The following NIPBL variants were observed in gnomAD, a reference collection of about 807,000 sequenced individuals.
NIPBL encodes the protein NIPBL cohesin loading factor.
NIPBL carries 19 observed loss-of-function variants against 321.8 expected under a neutral mutation model. The ratio of observed to expected loss-of-function variants is 0.06; its 90% CI spans 0.04 to 0.09. The LOEUF (loss-of-function observed/expected upper bound fraction) is 0.09, where lower values mean the gene tolerates loss of function less well. Among genes scored for constraint, NIPBL ranks in the 10% least tolerant of loss-of-function variants. The pLI, the probability that NIPBL is intolerant of heterozygous loss-of-function variation, is 1.00. For missense variants in NIPBL, 2,210 were observed against 3,327.0 expected (o/e 0.66, Z 8.26); for synonymous variants, 1,106 against 1,114.1 (o/e 0.99, Z 0.14).
In NIPBL at chr5:36,971,014, T is replaced by C; in HGVS notation, c.749T>C (p.Met250Thr). 5 of 1,613,412 alleles carry C rather than the reference T, an allele frequency of 3.1e-6. No individual in the cohort carries two copies. The highest frequency in any genetic ancestry group is 4.2e-6 in the Non-Finnish European group (5 of 1,179,354). The change falls in exon 7 of 47, where the codon ATG becomes ACG. Residue 250 changes from methionine (M) to threonine (T), a missense_variant. Transcript: ENST00000282516. ...GGTTCAAGTGAGGACTACCTACACA[T>C]GGTGCACAGGCTAAGTAGTGACGTA... ...RHGSSEDYLHMVHRLSSDDGD... is the reference protein window; with the variant it reads ...RHGSSEDYLHTVHRLSSDDGD...
chr5:36,888,956 T>C (rs747720216), intron 1 of NIPBL, among the ~76,000 whole-genome samples: 2 of 152,150 alleles, frequency 1.3e-5, no homozygotes, highest in Non-Finnish European at 2.9e-5. Flanking sequence ...TTGGAATGAA[T>C]AGAATCAATC....
chr5:37,022,348 G>C lies in NIPBL; in HGVS notation c.5532G>C (p.Gln1844His). The C allele has an allele frequency of 6.2e-7, 1 of 1,613,914 alleles. No individual in the cohort carries two copies. The highest frequency in any genetic ancestry group is 8.5e-7 in the Non-Finnish European group (1 of 1,179,940). The change falls in exon 29 of 47, where the codon CAG (glutamine) becomes CAC (histidine). Residue 1844 changes from glutamine to histidine, a missense_variant. Gln to His is a conservative substitution (Grantham distance 24, BLOSUM62 0). Around this residue, in one of 14 missense-constraint regions of NIPBL, gnomAD observed 49 missense variants for 163.6 expected, o/e 0.30. Coordinates refer to ENST00000282516, the MANE Select transcript of NIPBL (RefSeq NM_133433.4). Reference sequence around the variant, plus strand: ...GTCGATTTGTCCTTTGTCGACCTCAGCTTGCTGAACAGTATTATGATATGC... The same window carrying C: ...GTCGATTTGTCCTTTGTCGACCTCACCTTGCTGAACAGTATTATGATATGC... Reference protein sequence around the residue: ...LLGRFVLCRPQLAEQYYDMLI... With the variant: ...LLGRFVLCRPHLAEQYYDMLI...
intron 1 of NIPBL, among the ~76,000 whole-genome samples, chr5:36,902,783 T>C (rs1388122050): frequency 6.6e-6 from 1 of 152,124 alleles, no homozygotes; most frequent in Non-Finnish European, 1.5e-5. Flanking sequence ...TTTTTTGGTT[T>C]TTTTTCCTAA....
chr5:36,900,671 TTTTTG>T (rs536806432), intron 1 of NIPBL, among the ~76,000 whole-genome samples: 5 of 152,198 alleles, frequency 3.3e-5, no homozygotes, highest in South Asian at 2.1e-4. Context: ...GCTCGGGTTT[TTTTTG>T]TTTTGTTTTG....
chr5:37,007,291 G>T, intron 17 of NIPBL, 32 bp from the exon 18 acceptor site: 3 of 1,592,804 alleles, frequency 1.9e-6, no homozygotes, highest in Non-Finnish European at 2.6e-6. Flanking sequence ...AAAAGTTGAT[G>T]TTTTCCTTAT....
chr5:36,969,972 G>A (rs1336065192), intron 6 of NIPBL, among the ~76,000 whole-genome samples: 1 of 152,128 alleles, frequency 6.6e-6, no homozygotes, highest in Admixed American at 6.6e-5. Flanking sequence ...TTATGTACAA[G>A]AACATACATT....
chr5:36,924,728 T>C (rs1342770620), intron 1 of NIPBL, among the ~76,000 whole-genome samples: 1 of 152,234 alleles, frequency 6.6e-6, no homozygotes, highest in African/African-American at 2.4e-5. Context: ...TTATCAACAG[T>C]GACAGAAAAT....
chr5:37,046,225 G>A (rs887429949), intron 38 of NIPBL, 26 bp downstream of exon 38: 5 of 1,266,010 alleles, frequency 3.9e-6, no homozygotes, highest in South Asian at 2.4e-5. Flanking sequence ...TTTATAATTT[G>A]TAGCTATTTG....
intron 33 of NIPBL, among the ~76,000 whole-genome samples, chr5:37,037,492 T>C (rs544788260): frequency 6.7e-6 from 1 of 150,044 alleles, no homozygotes; most frequent in Non-Finnish European, 1.5e-5. Context: ...CTAGCATTAC[T>C]TCCCATCTAA....
chr5:36,997,553 T>C (rs921213961), intron 11 of NIPBL, among the ~76,000 whole-genome samples: 2 of 152,204 alleles, frequency 1.3e-5, no homozygotes, highest in African/African-American at 2.4e-5. Context: ...GACCCTGTTA[T>C]ATCTATGCCC....
intron 32 of NIPBL, among the ~76,000 whole-genome samples, chr5:37,033,705 C>CACAT (rs1415570935): frequency 2.5e-5 from 2 of 80,242 alleles, no homozygotes; most frequent in Non-Finnish European, 4.5e-5. Flanking sequence ...CACACACACA[C>CACAT]ATATATATAT....
intron 1 of NIPBL, among the ~76,000 whole-genome samples, chr5:36,898,426 A>G (rs1490173969): frequency 6.6e-6 from 1 of 152,116 alleles, no homozygotes; most frequent in East Asian, 1.9e-4. Flanking sequence ...GAGACAATTG[A>G]GGCGTAGGAA....
intron 31 of NIPBL, 90 bp from the exon 32 acceptor site, chr5:37,027,268 GA>G (rs1233130852): frequency 9.9e-7 from 1 of 1,012,796 alleles, no homozygotes; most frequent in African/African-American, 1.6e-5. Context: ...TGAGAAAATT[GA>G]AACATGTTTC....
At chr5:36,974,817 C>T (rs927315398) in intron 8 of NIPBL, among the ~76,000 whole-genome samples, 1 of 152,018 alleles carries the variant, frequency 6.6e-6, no homozygotes, top group Non-Finnish European at 1.5e-5. Context: ...TAAGTTCTGT[C>T]TGTAAAAAAA....
chr5:36,980,861 AT>A (rs1166331954), intron 9 of NIPBL, among the ~76,000 whole-genome samples: 1 of 151,612 alleles, frequency 6.6e-6, no homozygotes, highest in African/African-American at 2.4e-5. Context: ...CAGTTTCTGC[AT>A]TGTGTGATGG....
rs1372778547 is a variant in NIPBL, at chr5:37,042,263, T to C, written c.6109-2084T>C. On this transcript the variant is annotated intron_variant, in intron 34 of 46. Transcript: ENST00000282516. ...CAGCCTGGCCAGCATGGTGAAACCC[T>C]GTCTCTACTAAAAATACAAAAATTA... 1.7e-4 allele frequency among the ~76,000 whole-genome samples: 24 copies of C among 139,894 alleles called. No homozygotes were observed. The East Asian group carries it at 1.8e-3, about 11-fold the overall frequency. 91.8% of individuals were successfully genotyped at this position (139,894 alleles called of 152,430 possible).
At chr5:36,916,627 T>C (rs1432635542) in intron 1 of NIPBL, among the ~76,000 whole-genome samples, 1 of 152,096 alleles carries the variant, frequency 6.6e-6, no homozygotes, top group Non-Finnish European at 1.5e-5. Flanking sequence ...ATTAGGTATA[T>C]CTCCTAATGC....
intron 3 of NIPBL, among the ~76,000 whole-genome samples, chr5:36,957,809 C>T (rs1394256753): frequency 1.3e-5 from 2 of 151,968 alleles, no homozygotes; most frequent in Non-Finnish European, 2.9e-5. Flanking sequence ...ATGGTGAAAC[C>T]CTGTCTCTAC....
intron 40 of NIPBL, among the ~76,000 whole-genome samples, chr5:37,050,260 T>G (rs1753392699): frequency 6.6e-6 from 1 of 151,962 alleles, no homozygotes; most frequent in Non-Finnish European, 1.5e-5. Context: ...AGTCAGGAGT[T>G]CAAAACCAGC....
Sources: gnomAD v4.1 joint callset for allele counts (sites outside exome capture counted in the v4.1 genomes callset) on GRCh38, gnomAD v4.1.1 for gene constraint, gnomAD v4.1.1 regional missense constraint, MANE v1.5 for transcripts, NCBI Gene and HGNC (gene_info 2026-07-23, HGNC 2026-07-21) for gene names.